The following ZNF536 variants were observed in gnomAD, a reference collection of about 807,000 sequenced individuals.
ZNF536 encodes the protein zinc finger protein 536.
Under a neutral mutation model 84.5 loss-of-function variants are expected in ZNF536, and 13 were observed. That is an observed-to-expected ratio of 0.15 (90% CI 0.10 to 0.24). The LOEUF (loss-of-function observed/expected upper bound fraction) is 0.24. ZNF536 is among the 10% of genes least tolerant of loss of function. The probability of loss-of-function intolerance (pLI) is 1.00; values close to 1 mark genes in which losing one functional copy is unlikely to be tolerated. For synonymous variants in ZNF536, 811 were observed against 742.5 expected (o/e 1.09, Z -1.50); for missense variants, 1,536 against 1,747.5 (o/e 0.88, Z 2.16).
At chr19:30,615,131 G>C (rs1207935341) in intron 1 of ZNF536, among the ~76,000 whole-genome samples, 1 of 146,892 alleles carries the variant, frequency 6.8e-6, no homozygotes, top group African/African-American at 2.5e-5. Flanking sequence ...ATTTTTAGTA[G>C]AGACGGGGTT....
intron 1 of ZNF536, among the ~76,000 whole-genome samples, chr19:30,635,671 A>G (rs902282606): frequency 6.6e-6 from 1 of 152,186 alleles, no homozygotes; most frequent in African/African-American, 2.4e-5. Flanking sequence ...TTGACTTCAA[A>G]AAGCAGGGCA....
At chr19:30,468,909 G>C (rs1395649084) in intron 2 of ZNF536, among the ~76,000 whole-genome samples, 4 of 152,090 alleles carry the variant, frequency 2.6e-5, no homozygotes, top group Non-Finnish European at 5.9e-5. Context: ...TCCCACCTGA[G>C]AATGTCCAGA....
intron 2 of ZNF536, among the ~76,000 whole-genome samples, chr19:30,309,161 C>T (rs931346149): frequency 3.3e-5 from 5 of 152,170 alleles, no homozygotes; most frequent in African/African-American, 4.8e-5. Flanking sequence ...CTCAAGAGGT[C>T]GCCAAGCGAA....
intron 2 of ZNF536, among the ~76,000 whole-genome samples, chr19:30,446,490 C>T (rs989126368): frequency 1.3e-5 from 2 of 152,026 alleles, no homozygotes; most frequent in African/African-American, 4.8e-5. Flanking sequence ...ATCTTTCTCT[C>T]CCCCTTAGCG....
chr19:30,545,243 G>A (rs951301548), intron 3 of ZNF536, among the ~76,000 whole-genome samples: 1 of 152,090 alleles, frequency 6.6e-6, no homozygotes, highest in Admixed American at 6.6e-5. Context: ...TCATAGGGAC[G>A]CTTACAAGGC....
chr19:30,387,960 G>A (rs2049414193), intron 1 of ZNF536, among the ~76,000 whole-genome samples: 1 of 152,162 alleles, frequency 6.6e-6, no homozygotes. Flanking sequence ...GGCACCAGCT[G>A]GGTGTCTGTG....
chr19:30,615,514 A>G (rs939834959), intron 1 of ZNF536, among the ~76,000 whole-genome samples: 17 of 151,780 alleles, frequency 1.1e-4, no homozygotes, highest in Middle Eastern at 3.4e-3. Context: ...GTTTCAAACC[A>G]TATCAATGAT....
intron 1 of ZNF536, among the ~76,000 whole-genome samples, chr19:30,644,021 T>C (rs1316509491): frequency 6.6e-6 from 1 of 152,210 alleles, no homozygotes; most frequent in Non-Finnish European, 1.5e-5. Flanking sequence ...GTTGTAAATG[T>C]CATCTATCCC....
chr19:30,634,872 G>A (rs1175634895), intron 1 of ZNF536, among the ~76,000 whole-genome samples: 1 of 152,124 alleles, frequency 6.6e-6, no homozygotes, highest in Non-Finnish European at 1.5e-5. Flanking sequence ...TTGTGTGCCT[G>A]GGTACGTGTG....
At chr19:30,591,781 G>T (rs1291144210) in intron 1 of ZNF536, among the ~76,000 whole-genome samples, 1 of 152,110 alleles carries the variant, frequency 6.6e-6, no homozygotes, top group Non-Finnish European at 1.5e-5. Context: ...TTTATTGAAG[G>T]ACAAGAGAAA....
intron 1 of ZNF536, among the ~76,000 whole-genome samples, chr19:30,670,863 G>A (rs1277155540): frequency 6.6e-6 from 1 of 152,164 alleles, no homozygotes; most frequent in Non-Finnish European, 1.5e-5. Context: ...GCACAGAGAA[G>A]GTACTCTGTC....
In ZNF536 at chr19:30,431,583, A is replaced by T. The variant is rs2051460682; in HGVS notation, c.-2-11978A>T. Among the ~76,000 whole-genome samples the T allele has an allele frequency of 2.0e-5, 3 of 152,234 alleles. No individual in the cohort carries two copies. In the South Asian group the frequency reaches 6.2e-4, roughly 32 times the overall value. ...CTTGCGTATGTGCATTTTACATTAT[A>T]TTTAGTTTTGCACCGAATCAAATCT... On this transcript the variant is annotated intron_variant, in intron 1 of 4. Transcript: ENST00000355537.
rs560550649 is a variant in ZNF536, at chr19:30,474,989, A to G, written c.2170+29257A>G. Among the ~76,000 whole-genome samples, 3 of 137,860 alleles carry G rather than the reference A, an allele frequency of 2.2e-5. No individual in the cohort carries two copies. In the South Asian group the frequency reaches 6.7e-4, roughly 31 times the overall value. The allele number at this position is 137,860 out of a possible 152,430, so 90.4% of individuals were successfully genotyped here. A position where few individuals can be genotyped will look rare whatever the true frequency, so the allele number is the denominator to read the frequency against. On this transcript the variant is annotated intron_variant, in intron 2 of 4. Coordinates refer to ENST00000355537, the MANE Select transcript of ZNF536 (RefSeq NM_014717.3). Reference sequence around the variant, plus strand: ...TCTCTCTCCTTTCTTCCTTTTCTTCACTATAAACAGCACTACCCTATAATT... The same window carrying G: ...TCTCTCTCCTTTCTTCCTTTTCTTCGCTATAAACAGCACTACCCTATAATT...
At chr19:30,362,204 AAGGCCCTGTCCAAGGGTTTTCAGATAC>A (rs1451849642) in intron 3 of ZNF536, among the ~76,000 whole-genome samples, 2 of 152,106 alleles carry the variant, frequency 1.3e-5, no homozygotes, top group Non-Finnish European at 2.9e-5. Flanking sequence ...TGCCACTCTC[AAGGCCCTGTCCAAGGGTTTTCAGATAC>A]TTGCAGTGGC....
intron 1 of ZNF536, among the ~76,000 whole-genome samples, chr19:30,614,604 A>G (rs996707285): frequency 2.0e-5 from 3 of 151,780 alleles, no homozygotes; most frequent in African/African-American, 7.3e-5. Context: ...GTGACATTGA[A>G]CATCTTTCCA....
intron 1 of ZNF536, among the ~76,000 whole-genome samples, chr19:30,612,728 T>TC (rs2048144790): frequency 6.6e-6 from 1 of 152,216 alleles, no homozygotes. Flanking sequence ...AGTTACCTCA[T>TC]CCCCTTTGCC....
At chr19:30,226,560 G>T (rs111390497), upstream of ZNF536, among the ~76,000 whole-genome samples, 1,100 of 152,232 alleles carry the variant, frequency 7.2e-3, 12 homozygotes, top group African/African-American at 0.025. The surrounding 1 kb of genome is among the most constrained non-coding windows in gnomAD (Gnocchi z 4.6). Flanking sequence ...TGAGGTGCCA[G>T]GGTCCGAACC....
chr19:30,488,119 C>T (rs2054368081), intron 2 of ZNF536, among the ~76,000 whole-genome samples: 1 of 152,206 alleles, frequency 6.6e-6, no homozygotes. Flanking sequence ...AATTCTTCTT[C>T]ATGGGATCTG....
chr19:30,398,277 A>C (rs945220789), intron 1 of ZNF536, among the ~76,000 whole-genome samples: 1 of 152,112 alleles, frequency 6.6e-6, no homozygotes, highest in African/African-American at 2.4e-5. Context: ...TCCGTGCCCC[A>C]ACCATCCCTA....
Sources: gnomAD v4.1 joint callset for allele counts (sites outside exome capture counted in the v4.1 genomes callset) on GRCh38, gnomAD v4.1.1 for gene constraint, Gnocchi (gnomAD v3.1) non-coding constraint, MANE v1.5 for transcripts, NCBI Gene and HGNC (gene_info 2026-07-23, HGNC 2026-07-21) for gene names.